Variants in MAP3K1 observed in about 807,000 individuals in gnomAD.
MAP3K1 encodes the protein MAP/ERK kinase kinase 1.
In MAP3K1, 36 loss-of-function variants were observed where a neutral mutation model predicts 144.2. The observed-to-expected ratio is 0.25, with a 90% CI of 0.19 to 0.33. The LOEUF is 0.33. Ranked by LOEUF, MAP3K1 falls within the 10% of genes least tolerant of loss-of-function variation. The pLI, the probability that MAP3K1 is intolerant of heterozygous loss-of-function variation, is 1.00. For synonymous variants in MAP3K1, 718 were observed against 688.7 expected (o/e 1.04, Z -0.67); for missense variants, 1,650 against 1,881.9 (o/e 0.88, Z 2.28).
At chr5:56,871,816 A>G (rs1747861004) in intron 6 of MAP3K1, 94 bp from the exon 7 acceptor site, 1 of 1,141,188 alleles carries the variant, frequency 8.8e-7, no homozygotes, top group South Asian at 1.3e-5. Context: ...TTTCTAATGT[A>G]TTTATATTCT....
chr5:56,884,608 G>A (rs1197447845), intron 15 of MAP3K1, 56 bp from the exon 16 acceptor site: 28 of 1,545,356 alleles, frequency 1.8e-5, no homozygotes, highest in Non-Finnish European at 2.4e-5. Flanking sequence ...GTTCATTTTA[G>A]ATCAGATTGC....
chr5:56,861,832 C>T (rs1386162124), intron 3 of MAP3K1, among the ~76,000 whole-genome samples: 8 of 151,760 alleles, frequency 5.3e-5, no homozygotes, highest in Non-Finnish European at 1.2e-4. Flanking sequence ...CACTTTCTAA[C>T]TTTGAAGAAC....
intron 3 of MAP3K1, among the ~76,000 whole-genome samples, chr5:56,862,475 C>G (rs1747545509): frequency 6.6e-6 from 1 of 152,082 alleles, no homozygotes; most frequent in Non-Finnish European, 1.5e-5. Context: ...GTCTTCCTTC[C>G]CCACACCCCA....
At chr5:56,878,865 G>T (rs1748117386) in intron 10 of MAP3K1, 115 bp from the exon 11 acceptor site, 1 of 839,102 alleles carries the variant, frequency 1.2e-6, no homozygotes. Context: ...TTTATTCTAT[G>T]GGTTATAATC....
In MAP3K1 at chr5:56,871,905, T is replaced by A; in HGVS notation, c.1302-5T>A. The A allele has an allele frequency of 6.2e-7, 1 of 1,613,758 alleles. No individual in the cohort carries two copies. On this transcript the variant is annotated splice_region_variant and splice_polypyrimidine_tract_variant and intron_variant, in intron 6 of 19. Transcript: ENST00000399503. ...CTTAATACTTTTTCTTCCCCTTTTCTATAGCATAAAGGATGAAGAGGAACA... is the reference window on the plus strand; with the variant it reads ...CTTAATACTTTTTCTTCCCCTTTTCAATAGCATAAAGGATGAAGAGGAACA...
At chr5:56,822,409 CTAA>C (rs1405714859) in intron 1 of MAP3K1, among the ~76,000 whole-genome samples, 1 of 152,174 alleles carries the variant, frequency 6.6e-6, no homozygotes, top group African/African-American at 2.4e-5. Context: ...TGTGAGCCTT[CTAA>C]TAATTAGTGT....
chr5:56,887,602 G>A (rs934685749), intron 18 of MAP3K1, 82 bp downstream of exon 18: 10 of 1,438,226 alleles, frequency 7.0e-6, no homozygotes, highest in Non-Finnish European at 9.8e-6. Context: ...TCTTGCAGTG[G>A]TATCCAGTAT....
At chr5:56,827,299 A>G (rs1237750063) in intron 1 of MAP3K1, among the ~76,000 whole-genome samples, 1 of 152,200 alleles carries the variant, frequency 6.6e-6, no homozygotes, top group East Asian at 1.9e-4. Flanking sequence ...GACAAAATAA[A>G]AAAGCCTTTG....
intron 16 of MAP3K1, 85 bp downstream of exon 16, chr5:56,884,911 A>G (rs957081808): frequency 1.5e-5 from 19 of 1,266,304 alleles, no homozygotes; most frequent in Non-Finnish European, 2.0e-5. Context: ...ATTAAAATTT[A>G]TTTCTATCAA....
chr5:56,853,906 C>T (rs945125822), intron 1 of MAP3K1, among the ~76,000 whole-genome samples: 1 of 151,962 alleles, frequency 6.6e-6, no homozygotes, highest in African/African-American at 2.4e-5. Flanking sequence ...CCGGGGGGAA[C>T]CACTAGAGCA....
intron 18 of MAP3K1, 154 bp downstream of exon 18, chr5:56,887,674 C>T (rs1176903900): frequency 2.5e-6 from 2 of 802,556 alleles, no homozygotes; most frequent in Non-Finnish European, 4.2e-6. Context: ...CTTTCAGACC[C>T]TTATTCTCGA....
rs5868032 is a variant in MAP3K1, at chr5:56,882,021, TCAACAACAA to T, written c.2839_2847del (p.Thr947_Thr949del). On this transcript the variant is annotated inframe_deletion, in exon 14 of 20. Transcript: ENST00000399503. ...CAGCATTTCAGTAGGACCTTCTAGT[TCAACAACAA>T]CAACAACAACAACAACAGAGCAACC... 92 of 1,572,462 alleles carry T rather than the reference TCAACAACAA, an allele frequency of 5.9e-5. No homozygotes were observed. Among genetic ancestry groups the T allele is most frequent in the East Asian group, 2.0e-4 (9 of 44,508 alleles).
intron 6 of MAP3K1, among the ~76,000 whole-genome samples, chr5:56,867,245 T>G (rs1380109356): frequency 6.6e-6 from 1 of 152,184 alleles, no homozygotes; most frequent in African/African-American, 2.4e-5. Context: ...AATATATATA[T>G]TTGGATTTGC....
rs73135040 is a variant in MAP3K1 at position 56,844,094 on chromosome 5, A to G, written c.483-12506A>G. Among the ~76,000 whole-genome samples the G allele has an allele frequency of 3.1e-3, 478 of 152,094 alleles. 2 individuals are homozygous for G. Among genetic ancestry groups the G allele is most frequent in the African/African-American group, 0.011 (460 of 41,512 alleles). On this transcript the variant is annotated intron_variant, in intron 1 of 19. Coordinates refer to ENST00000399503, the MANE Select transcript of MAP3K1 (RefSeq NM_005921.2). ...ATTAGAGGCTCTGTGCTGTCCTGTGATAAATAAAGCCAACTAACTTGTTTT... is the reference window on the plus strand; with the variant it reads ...ATTAGAGGCTCTGTGCTGTCCTGTGGTAAATAAAGCCAACTAACTTGTTTT...
At chr5:56,834,905 A>G (rs976250822) in intron 1 of MAP3K1, among the ~76,000 whole-genome samples, 1 of 152,152 alleles carries the variant, frequency 6.6e-6, no homozygotes, top group Non-Finnish European at 1.5e-5. Flanking sequence ...TTAATTTTAG[A>G]TATTATTATA....
At chr5:56,875,355 T>G (rs1747992753) in intron 10 of MAP3K1, 45 bp downstream of exon 10, 1 of 1,599,806 alleles carries the variant, frequency 6.3e-7, no homozygotes, top group African/African-American at 1.3e-5. Flanking sequence ...GGTTTGGGGT[T>G]TTTTGATGGT....
intron 1 of MAP3K1, among the ~76,000 whole-genome samples, chr5:56,855,437 T>C (rs902386912): frequency 2.0e-5 from 3 of 152,228 alleles, no homozygotes; most frequent in African/African-American, 7.2e-5. Flanking sequence ...ATTCTTTGTA[T>C]TTCTAAAAAT....
Position 56,820,876 on chromosome 5 carries a change from G to A in MAP3K1, c.482+4821G>A, listed in dbSNP as rs1746134128. ...TGTTAAGTGCTATAAGAGAGATGGGGATACAGAGGGGATACAACATATTAG... is the reference window on the plus strand; with the variant it reads ...TGTTAAGTGCTATAAGAGAGATGGGAATACAGAGGGGATACAACATATTAG... On this transcript the variant is annotated intron_variant, in intron 1 of 19. Transcript: ENST00000399503. 3 of 738,472 alleles carry A rather than the reference G, an allele frequency of 4.1e-6. No homozygotes were observed. The South Asian group carries it at 1.8e-4, about 45-fold the overall frequency. The allele number at this position is 738,472 out of a possible 1,614,324, so 45.7% of individuals were successfully genotyped here. A position where few individuals can be genotyped will look rare whatever the true frequency, so the allele number is the denominator to read the frequency against.
intron 1 of MAP3K1, chr5:56,842,322 C>T (rs1168417681): frequency 1.3e-5 from 2 of 152,144 alleles, no homozygotes; most frequent in East Asian, 1.9e-4. Flanking sequence ...ACTTTAAAGT[C>T]GTAGAGAGCT....
Sources: gnomAD v4.1 joint callset for allele counts (sites outside exome capture counted in the v4.1 genomes callset) on GRCh38, gnomAD v4.1.1 for gene constraint, MANE v1.5 for transcripts, NCBI Gene and HGNC (gene_info 2026-07-23, HGNC 2026-07-21) for gene names.